The following PAK5 variants were observed in gnomAD, a reference collection of about 807,000 sequenced individuals.
The protein encoded by PAK5 is p21 (RAC1) activated kinase 5, also known as serine/threonine-protein kinase PAK 5.
PAK5 carries 16 observed loss-of-function variants against 65.9 expected under a neutral mutation model. The observed-to-expected ratio is 0.24, with a 90% CI of 0.16 to 0.37. The LOEUF is 0.37. Ranked by LOEUF, PAK5 falls within the 10% of genes least tolerant of loss-of-function variation. The pLI is 1.00. For synonymous variants in PAK5, 371 were observed against 354.9 expected (o/e 1.05, Z -0.51); for missense variants, 785 against 903.9 (o/e 0.87, Z 1.69).
At chr20:9,747,710 A>C (rs1186546392) in intron 1 of PAK5, among the ~76,000 whole-genome samples, 58 of 151,880 alleles carry the variant, frequency 3.8e-4, no homozygotes, top group African/African-American at 1.1e-3. Context: ...CTATCTATGA[A>C]AAACCCACAG....
At position 9,699,553 on chromosome 20, in the gene PAK5, GTTTTT is replaced by G. The variant is rs34450464; in HGVS notation, c.-12+11728_-12+11732del. ...AAAGAGAAGGGTTATTTTGCTTCTT[GTTTTT>G]TTTTTTTTTTTTTTTAATTTTATTT... On this transcript the variant is annotated intron_variant, in intron 2 of 9. Coordinates refer to ENST00000353224, the MANE Select transcript of PAK5 (RefSeq NM_177990.4). Among the ~76,000 whole-genome samples the G allele has an allele frequency of 6.8e-3, 938 of 138,762 alleles. 3 individuals are homozygous for G. Among genetic ancestry groups the G allele is most frequent in the African/African-American group, 0.022 (815 of 37,178 alleles). The allele number at this position is 138,762 out of a possible 152,430, so 91.0% of individuals were successfully genotyped here. A position where few individuals can be genotyped will look rare whatever the true frequency, so the allele number is the denominator to read the frequency against.
chr20:9,835,346 G>A (rs919249251), intron 1 of PAK5, among the ~76,000 whole-genome samples: 13 of 152,146 alleles, frequency 8.5e-5, no homozygotes, highest in African/African-American at 2.9e-4. Context: ...GAGAGATCAA[G>A]GAAGCCCAAG....
chr20:9,549,050 C>T (rs1326750137), intron 7 of PAK5, among the ~76,000 whole-genome samples: 3 of 151,964 alleles, frequency 2.0e-5, no homozygotes, highest in Non-Finnish European at 4.4e-5. Flanking sequence ...AAAAAAAGGG[C>T]CTTGTAGTTG....
chr20:9,608,808 T>A (rs1044450902), intron 3 of PAK5, among the ~76,000 whole-genome samples: 2 of 152,242 alleles, frequency 1.3e-5, no homozygotes, highest in Admixed American at 6.5e-5. Flanking sequence ...TACTGTGTTC[T>A]ATTATCAGCA....
chr20:9,649,124 C>A (rs1337921265), intron 2 of PAK5, among the ~76,000 whole-genome samples: 1 of 152,170 alleles, frequency 6.6e-6, no homozygotes, highest in Non-Finnish European at 1.5e-5. Context: ...TGAAATATTT[C>A]TTCATTTCTT....
chr20:9,767,064 A>G (rs1208537895), intron 1 of PAK5, among the ~76,000 whole-genome samples: 1 of 152,150 alleles, frequency 6.6e-6, no homozygotes, highest in African/African-American at 2.4e-5. Flanking sequence ...ATATTGACAG[A>G]CTGCGGGGAG....
chr20:9,775,659 A>T (rs902382843), intron 1 of PAK5, among the ~76,000 whole-genome samples: 3 of 152,234 alleles, frequency 2.0e-5, no homozygotes, highest in African/African-American at 7.2e-5. Context: ...AATTATTACA[A>T]TCATATGCTT....
intron 3 of PAK5, among the ~76,000 whole-genome samples, chr20:9,618,880 G>A (rs916880267): frequency 1.3e-4 from 18 of 142,340 alleles, no homozygotes; most frequent in African/African-American, 4.2e-4. Flanking sequence ...GGTAGAAAGT[G>A]GCTTCTCTCA....
At chr20:9,694,455 A>C (rs2047841795) in intron 2 of PAK5, among the ~76,000 whole-genome samples, 1 of 151,940 alleles carries the variant, frequency 6.6e-6, no homozygotes, top group South Asian at 2.1e-4. Context: ...TGTATACAGA[A>C]AAGGGTACAG....
intron 2 of PAK5, among the ~76,000 whole-genome samples, chr20:9,689,399 G>C (rs1216941093): frequency 2.0e-5 from 3 of 152,138 alleles, no homozygotes; most frequent in Non-Finnish European, 4.4e-5. Flanking sequence ...ATAGCAGATG[G>C]ACACTCAATT....
rs569370894 is a variant in PAK5 at position 9,603,918 on chromosome 20, G to A, written c.205-22988C>T. Among the ~76,000 whole-genome samples, 36 of 152,178 alleles carry A rather than the reference G, an allele frequency of 2.4e-4. 1 individual carries two copies. The highest frequency in any genetic ancestry group is 2.0e-3 in the Admixed American group (31 of 15,282). Reference sequence around the variant, plus strand: ...TCACTGCTACATTCACATTGCTAACGTCATAAAAAAAGCTTTACTTCCTGA... The same window carrying A: ...TCACTGCTACATTCACATTGCTAACATCATAAAAAAAGCTTTACTTCCTGA... On this transcript the variant is annotated intron_variant, in intron 3 of 9. Coordinates refer to ENST00000353224, the MANE Select transcript of PAK5 (RefSeq NM_177990.4).
intron 1 of PAK5, among the ~76,000 whole-genome samples, chr20:9,749,290 A>C (rs2048546887): frequency 6.6e-6 from 1 of 152,138 alleles, no homozygotes. Flanking sequence ...AATTCAGATA[A>C]AAATATAACC....
At chr20:9,835,876 C>T (rs1979110310) in intron 1 of PAK5, among the ~76,000 whole-genome samples, 1 of 152,046 alleles carries the variant, frequency 6.6e-6, no homozygotes, top group Non-Finnish European at 1.5e-5. Flanking sequence ...TGTTAGCTTG[C>T]CTTTGTTGCT....
chr20:9,655,545 A>C (rs1410583930), intron 2 of PAK5, among the ~76,000 whole-genome samples: 1 of 152,170 alleles, frequency 6.6e-6, no homozygotes, highest in Non-Finnish European at 1.5e-5. Context: ...ATAAAATGGA[A>C]TGTACTATAA....
At chr20:9,680,136 G>T in intron 2 of PAK5, among the ~76,000 whole-genome samples, 1 of 152,194 alleles carries the variant, frequency 6.6e-6, no homozygotes, top group Non-Finnish European at 1.5e-5. Flanking sequence ...TTAAACAATG[G>T]CTACTGAGCA....
At chr20:9,612,081 C>T (rs922008589) in intron 3 of PAK5, among the ~76,000 whole-genome samples, 15 of 152,068 alleles carry the variant, frequency 9.9e-5, no homozygotes, top group Non-Finnish European at 1.6e-4. Flanking sequence ...GTGTCTGGCC[C>T]CCCATGGAAA....
At chr20:9,715,362 G>C (rs2048130914) in intron 1 of PAK5, among the ~76,000 whole-genome samples, 1 of 152,120 alleles carries the variant, frequency 6.6e-6, no homozygotes, top group Admixed American at 6.5e-5. Flanking sequence ...TCTCACACCA[G>C]TTAGAATGGC....
chr20:9,806,507 C>T (rs2049234651), intron 1 of PAK5, among the ~76,000 whole-genome samples: 1 of 152,216 alleles, frequency 6.6e-6, no homozygotes, highest in South Asian at 2.1e-4. Flanking sequence ...CCTCCTATAT[C>T]TATATCCCTT....
At chr20:9,636,147 T>A (rs2046980795) in intron 3 of PAK5, among the ~76,000 whole-genome samples, 1 of 152,184 alleles carries the variant, frequency 6.6e-6, no homozygotes, top group African/African-American at 2.4e-5. Context: ...AGTTGCCCTG[T>A]ATTTTGGGAA....
Sources: allele counts gnomAD v4.1 joint callset (sites outside exome capture counted in the v4.1 genomes callset), GRCh38; gene constraint gnomAD v4.1.1; transcripts MANE v1.5; gene names NCBI Gene and HGNC (gene_info 2026-07-23, HGNC 2026-07-21).